FRMD3: variants seen among roughly 807,000 people sequenced by gnomAD.
FRMD3 encodes FERM domain-containing protein 3.
In FRMD3, 33 loss-of-function variants were observed where a neutral mutation model predicts 70.2. The ratio of observed to expected loss-of-function variants is 0.47; its 90% CI spans 0.36 to 0.63. The LOEUF (loss-of-function observed/expected upper bound fraction) is 0.63, where lower values mean the gene tolerates loss of function less well. FRMD3 is among the 20% of genes least tolerant of loss of function. The pLI is 0.00. For synonymous variants in FRMD3, 279 were observed against 255.9 expected (o/e 1.09, Z -0.86); for missense variants, 632 against 711.4 (o/e 0.89, Z 1.27).
intron 1 of FRMD3, among the ~76,000 whole-genome samples, chr9:83,487,661 G>C (rs1194470421): frequency 6.6e-6 from 1 of 152,158 alleles, no homozygotes; most frequent in East Asian, 1.9e-4. Context: ...TATAAGCCTG[G>C]AGAGGAAGAA....
At chr9:83,404,709 C>T (rs1356806221) in intron 1 of FRMD3, among the ~76,000 whole-genome samples, 4 of 152,168 alleles carry the variant, frequency 2.6e-5, no homozygotes, top group African/African-American at 7.2e-5. Flanking sequence ...CACATACATA[C>T]ATATACATGC....
At chr9:83,425,905 C>T (rs1266784329) in intron 1 of FRMD3, among the ~76,000 whole-genome samples, 1 of 48,506 alleles carries the variant, frequency 2.1e-5, no homozygotes, top group African/African-American at 7.9e-5. Context: ...AAAACTCCGT[C>T]TCAAAAAAAA....
intron 3 of FRMD3, among the ~76,000 whole-genome samples, chr9:83,362,143 G>A (rs1824605603): frequency 6.6e-6 from 1 of 151,262 alleles, no homozygotes; most frequent in Non-Finnish European, 1.5e-5. Context: ...GAGACCTGTG[G>A]CTTTACACCA....
chr9:83,314,020 AC>A (rs1408511705), intron 6 of FRMD3, among the ~76,000 whole-genome samples: 2 of 152,238 alleles, frequency 1.3e-5, no homozygotes, highest in African/African-American at 4.8e-5. Flanking sequence ...TTATCAAGTT[AC>A]CAATAAGCAG....
intron 2 of FRMD3, among the ~76,000 whole-genome samples, chr9:83,380,635 T>A (rs1447426693): frequency 6.6e-6 from 1 of 152,204 alleles, no homozygotes. Context: ...GATTGATTTT[T>A]AATTTGGCCA....
chr9:83,356,437 G>A (rs147453189), intron 3 of FRMD3, among the ~76,000 whole-genome samples: 3,210 of 151,706 alleles, frequency 0.021, 113 homozygotes, highest in African/African-American at 0.073. Flanking sequence ...CACCACTTCC[G>A]GCTAATTTTT....
intron 1 of FRMD3, among the ~76,000 whole-genome samples, chr9:83,423,660 G>A (rs1209965186): frequency 3.0e-5 from 4 of 135,374 alleles, no homozygotes; most frequent in African/African-American, 1.1e-4. Context: ...GCAGTGGCGT[G>A]ATCTCAGCTC....
intron 1 of FRMD3, among the ~76,000 whole-genome samples, chr9:83,481,961 CA>C (rs3083249): frequency 0.037 from 4,876 of 132,876 alleles, 205 homozygotes; most frequent in African/African-American, 0.11. Flanking sequence ...TGTTTCATAA[CA>C]AAAAAAAAAA....
At chr9:83,305,873 C>A (rs1258718528) in intron 10 of FRMD3, among the ~76,000 whole-genome samples, 1 of 152,230 alleles carries the variant, frequency 6.6e-6, no homozygotes, top group East Asian at 1.9e-4. Context: ...GCTAAACCCT[C>A]CAAGTCTTCT....
At chr9:83,506,680 T>C (rs561912894) in intron 1 of FRMD3, among the ~76,000 whole-genome samples, 16 of 152,332 alleles carry the variant, frequency 1.1e-4, no homozygotes, top group Non-Finnish European at 1.9e-4. Context: ...ATAAACACTG[T>C]ACACTTAGGC....
the FRMD3 span, among the ~76,000 whole-genome samples, chr9:83,549,095 C>T: frequency 8.6e-5 from 13 of 151,920 alleles, no homozygotes; most frequent in Admixed American, 6.6e-5. Flanking sequence ...CTGCCCTTCT[C>T]CCTCCTTGTA....
chr9:83,504,334 A>G (rs1401154417), intron 1 of FRMD3, among the ~76,000 whole-genome samples: 3 of 152,088 alleles, frequency 2.0e-5, no homozygotes, highest in Non-Finnish European at 4.4e-5. Context: ...CCTAGGGCCT[A>G]TTCTCAACAG....
At chr9:83,524,887 G>A (rs1829653471) in intron 1 of FRMD3, among the ~76,000 whole-genome samples, 1 of 152,124 alleles carries the variant, frequency 6.6e-6, no homozygotes, top group Non-Finnish European at 1.5e-5. Flanking sequence ...AGATGACAAA[G>A]ACTAGCATTA....
intron 3 of FRMD3, among the ~76,000 whole-genome samples, chr9:83,355,074 A>G (rs950410008): frequency 2.4e-4 from 37 of 152,280 alleles, no homozygotes; most frequent in African/African-American, 8.2e-4. Context: ...CAGATGCAAC[A>G]TGGAAGCCCC....
intron 1 of FRMD3, among the ~76,000 whole-genome samples, chr9:83,507,312 A>T (rs545908825): frequency 7.0e-6 from 1 of 142,842 alleles, no homozygotes; most frequent in African/African-American, 2.6e-5. Context: ...GGTTTCAGTG[A>T]GCCAAGATTG....
At chr9:83,310,322 T>C (rs1011984594) in intron 9 of FRMD3, among the ~76,000 whole-genome samples, 163 bp downstream of exon 9, 1 of 152,208 alleles carries the variant, frequency 6.6e-6, no homozygotes, top group Non-Finnish European at 1.5e-5. Flanking sequence ...AACCCAGTAC[T>C]CATTTGTTTG....
intron 13 of FRMD3, chr9:83,276,193 A>T (rs907418483): frequency 6.6e-6 from 1 of 152,194 alleles, no homozygotes; most frequent in African/African-American, 2.4e-5. Context: ...GGGGAAATGG[A>T]TAACAACACT....
intron 1 of FRMD3, among the ~76,000 whole-genome samples, chr9:83,414,001 T>C (rs3904186): frequency 0.92 from 140,764 of 152,262 alleles, 65,174 homozygotes; most frequent in East Asian, 1. Context: ...TGAAATTCCC[T>C]TTTTGCTTCA....
intron 10 of FRMD3, among the ~76,000 whole-genome samples, chr9:83,306,047 TTCTCC>T (rs1439218003): frequency 6.6e-6 from 1 of 152,146 alleles, no homozygotes; most frequent in Non-Finnish European, 1.5e-5. Context: ...TTCTCTCCCT[TTCTCC>T]TCTCAATTTT....
Sources: allele counts gnomAD v4.1 joint callset (sites outside exome capture counted in the v4.1 genomes callset), GRCh38; gene constraint gnomAD v4.1.1; transcripts MANE v1.5; gene names NCBI Gene and HGNC (gene_info 2026-07-23, HGNC 2026-07-21).